Variants in MAPK1IP1L observed in about 807,000 individuals in gnomAD.
MAPK1IP1L encodes mitogen-activated protein kinase 1 interacting protein 1 like, also known as MAPK-interacting and spindle-stabilizing protein-like.
A neutral mutation model predicts 18.1 loss-of-function variants in MAPK1IP1L; 10 were observed. The observed-to-expected ratio is 0.55, with a 90% CI of 0.34 to 0.94. The LOEUF (loss-of-function observed/expected upper bound fraction) is 0.94. Among genes scored for constraint, MAPK1IP1L ranks in the 40% least tolerant of loss-of-function variants. MAPK1IP1L has a pLI of 0.02. For missense variants in MAPK1IP1L, 260 were observed against 318.2 expected, an observed-to-expected ratio of 0.82 and a Z score of 1.39; for synonymous variants, 115 against 117.3, an observed-to-expected ratio of 0.98 and a Z score of 0.13.
chr14:55,055,461 A>C (rs2042763914), intron 1 of MAPK1IP1L, among the ~76,000 whole-genome samples: 2 of 152,158 alleles, frequency 1.3e-5, no homozygotes, highest in Admixed American at 6.5e-5. Flanking sequence ...AATCCCTGAA[A>C]CTGAAGTCTG....
chr14:55,063,582 C>T (rs1247139741), intron 3 of MAPK1IP1L, among the ~76,000 whole-genome samples: 1 of 152,106 alleles, frequency 6.6e-6, no homozygotes, highest in Non-Finnish European at 1.5e-5. Context: ...AAGCAGTGTC[C>T]TCAATAGCAT....
Position 55,065,912 on chromosome 14 carries a change from G to GA in MAPK1IP1L, c.*1286dup, listed in dbSNP as rs956776174. On this transcript the variant is annotated 3_prime_UTR_variant, in exon 4 of 4. Coordinates refer to ENST00000395468, the MANE Select transcript of MAPK1IP1L (RefSeq NM_144578.4). ...ACACTGAAAATAATAATAAATTGTA[G>GA]ATCTCTGCAACTAAGTTTAAAGCAG... is the stretch of plus-strand genomic sequence containing the variant. 3 of 151,644 alleles carry GA rather than the reference G, an allele frequency of 2.0e-5. No homozygotes were observed. Among genetic ancestry groups the GA allele is most frequent in the African/African-American group, 7.3e-5 (3 of 41,220 alleles). The allele number at this position is 151,644 out of a possible 1,614,324, so 9.4% of individuals were successfully genotyped here.
intron 3 of MAPK1IP1L, 146 bp from the exon 4 acceptor site, chr14:55,064,470 T>C: frequency 1.7e-6 from 1 of 590,964 alleles, no homozygotes; most frequent in Non-Finnish European, 3.0e-6. Context: ...CTAAAAATAT[T>C]TGTTTTGCAA....
At position 55,067,279 on chromosome 14, in the gene MAPK1IP1L, G is replaced by A. The variant is rs1459055071; in HGVS notation, c.*2652G>A. ...AATTTGCTTTTATATTGTTATTTTTGTAAAGCATCTTTTCTTCAATTCTTG... is the reference window on the plus strand; with the variant it reads ...AATTTGCTTTTATATTGTTATTTTTATAAAGCATCTTTTCTTCAATTCTTG... On this transcript the variant is annotated 3_prime_UTR_variant, in exon 4 of 4. Coordinates refer to ENST00000395468, the MANE Select transcript of MAPK1IP1L (RefSeq NM_144578.4). 1 of 147,228 alleles carries A rather than the reference G, an allele frequency of 6.8e-6. No homozygotes were observed. The highest frequency in any genetic ancestry group is 1.5e-5 in the Non-Finnish European group (1 of 66,996). The allele number at this position is 147,228 out of a possible 1,614,324, so 9.1% of individuals were successfully genotyped here.
At chr14:55,053,661 T>G (rs2042747611) in intron 1 of MAPK1IP1L, among the ~76,000 whole-genome samples, 1 of 152,176 alleles carries the variant, frequency 6.6e-6, no homozygotes, top group Non-Finnish European at 1.5e-5. Context: ...CTCGCTATAT[T>G]CTAACCCATC....
rs1304082291 is a variant in MAPK1IP1L, at chr14:55,067,249, A to T, written c.*2622A>T. On this transcript the variant is annotated 3_prime_UTR_variant, in exon 4 of 4. Transcript: ENST00000395468. Reference sequence around the variant, plus strand: ...ATGTAAGAATGGAGATAAAAGGGATAATATAATTTGCTTTTATATTGTTAT... The same window carrying T: ...ATGTAAGAATGGAGATAAAAGGGATTATATAATTTGCTTTTATATTGTTAT... 1 of 148,304 alleles carries T rather than the reference A, an allele frequency of 6.7e-6. No homozygotes were observed. The highest frequency in any genetic ancestry group is 2.5e-5 in the African/African-American group (1 of 39,806). 9.2% of individuals were successfully genotyped at this position (148,304 alleles called of 1,614,324 possible).
chr14:55,060,656 T>G (rs6572999), intron 1 of MAPK1IP1L: 1 of 151,976 alleles, frequency 6.6e-6, no homozygotes, highest in South Asian at 2.1e-4. Context: ...TGAGGCAAGG[T>G]AGTTGATTGG....
At chr14:55,060,154 ATTTTTTTTTTTTT>A (rs71131248) in intron 1 of MAPK1IP1L, among the ~76,000 whole-genome samples, 41 of 63,934 alleles carry the variant, frequency 6.4e-4, no homozygotes, top group East Asian at 1.8e-3. Context: ...TTTTGGAGAA[ATTTTTTTTTTTTT>A]TTTTTTTTTT....
intron 1 of MAPK1IP1L, among the ~76,000 whole-genome samples, chr14:55,054,635 T>C (rs1031865027): frequency 3.3e-5 from 5 of 152,220 alleles, no homozygotes; most frequent in Admixed American, 6.5e-5. Context: ...TGGTCTCTTA[T>C]TGAGAAGTTT....
intron 3 of MAPK1IP1L, 41 bp from the exon 4 acceptor site, chr14:55,064,575 T>C: frequency 6.2e-7 from 1 of 1,601,784 alleles, no homozygotes; most frequent in South Asian, 1.1e-5. Flanking sequence ...AAACTCCATT[T>C]GCAAAATCTA....
chr14:55,054,855 G>C (rs762423111), intron 1 of MAPK1IP1L, among the ~76,000 whole-genome samples: 3 of 152,056 alleles, frequency 2.0e-5, no homozygotes, highest in Non-Finnish European at 2.9e-5. Flanking sequence ...AAAATGTTAT[G>C]TTTTACTTTT....
intron 1 of MAPK1IP1L, among the ~76,000 whole-genome samples, chr14:55,056,091 G>A (rs368079295): frequency 3.3e-5 from 5 of 152,162 alleles, no homozygotes; most frequent in African/African-American, 9.7e-5. Flanking sequence ...AGACAGTGCC[G>A]TAGAACAGAA....
chr14:55,062,572 G>A (rs1446108935), intron 2 of MAPK1IP1L, 46 bp from the exon 3 acceptor site: 3 of 1,489,296 alleles, frequency 2.0e-6, no homozygotes, highest in Non-Finnish European at 2.7e-6. Flanking sequence ...GGTGTTCGAT[G>A]TAACTTTTCC....
rs1188530566 is a variant in MAPK1IP1L, at chr14:55,068,561, C to G, written c.*3934C>G. On this transcript the variant is annotated 3_prime_UTR_variant, in exon 4 of 4. Transcript: ENST00000395468. ...GAAATAAAACTTAAGCACAGACATTCAAGTTTTTGAAAAGCATAAGCCTAA... is the reference window on the plus strand; with the variant it reads ...GAAATAAAACTTAAGCACAGACATTGAAGTTTTTGAAAAGCATAAGCCTAA... The G allele has an allele frequency of 6.6e-6, 1 of 152,288 alleles. No homozygotes were observed. Among genetic ancestry groups the G allele is most frequent in the South Asian group, 2.1e-4 (1 of 4,810 alleles). The allele number at this position is 152,288 out of a possible 1,614,324, so 9.4% of individuals were successfully genotyped here. A position where few individuals can be genotyped will look rare whatever the true frequency, so the allele number is the denominator to read the frequency against.
intron 1 of MAPK1IP1L, among the ~76,000 whole-genome samples, chr14:55,054,260 A>G (rs1481174705): frequency 2.1e-5 from 3 of 141,644 alleles, no homozygotes; most frequent in Non-Finnish European, 3.0e-5. Context: ...GCCTCAGCCT[A>G]TCGAAGCGAA....
At position 55,067,616 on chromosome 14, in the gene MAPK1IP1L, G is replaced by A. The variant is rs2042874695; in HGVS notation, c.*2989G>A. ...ACGGGGGTTTCACCATGTTGGCCAG[G>A]GTGGTCTGAAACTCCTGACCTCGTG... is the stretch of plus-strand genomic sequence containing the variant. On this transcript the variant is annotated 3_prime_UTR_variant, in exon 4 of 4. Transcript: ENST00000395468. 6.6e-6 allele frequency: 1 copy of A among 151,952 alleles called. No individual in the cohort carries two copies. Among genetic ancestry groups the A allele is most frequent in the African/African-American group, 2.4e-5 (1 of 41,342 alleles). 9.4% of individuals were successfully genotyped at this position (151,952 alleles called of 1,614,324 possible).
intron 1 of MAPK1IP1L, among the ~76,000 whole-genome samples, chr14:55,054,403 A>G (rs989129281): frequency 8.5e-5 from 13 of 152,186 alleles, no homozygotes; most frequent in Admixed American, 1.3e-4. Flanking sequence ...TCGGCCTCCC[A>G]AAGTGCTGCG....
At chr14:55,062,074 T>C (rs562381677) in intron 2 of MAPK1IP1L, among the ~76,000 whole-genome samples, 1 of 152,370 alleles carries the variant, frequency 6.6e-6, no homozygotes, top group South Asian at 2.1e-4. Flanking sequence ...AATATGTATT[T>C]CTTTAAATGA....
chr14:55,063,393 A>T, intron 3 of MAPK1IP1L, 68 bp downstream of exon 3: 1 of 1,357,540 alleles, frequency 7.4e-7, no homozygotes, highest in Non-Finnish European at 1.0e-6. Flanking sequence ...GTTTCTCCCC[A>T]GTTTTGGATG....
Sources: allele counts gnomAD v4.1 joint callset (sites outside exome capture counted in the v4.1 genomes callset), GRCh38; gene constraint gnomAD v4.1.1; transcripts MANE v1.5; gene names NCBI Gene and HGNC (gene_info 2026-07-23, HGNC 2026-07-21).